BMERB1: variants seen among roughly 807,000 people sequenced by gnomAD.
The protein encoded by BMERB1 is bMERB domain containing 1.
In BMERB1, 12 loss-of-function variants were observed where a neutral mutation model predicts 23.6. The ratio of observed to expected loss-of-function variants is 0.51; its 90% CI spans 0.33 to 0.82. The LOEUF (loss-of-function observed/expected upper bound fraction) is 0.82, where lower values mean the gene tolerates loss of function less well. BMERB1 is among the 40% of genes least tolerant of loss of function. The pLI, the probability that BMERB1 is intolerant of heterozygous loss-of-function variation, is 0.03. For synonymous variants in BMERB1, 122 were observed against 96.6 expected (o/e 1.26, Z -1.54); for missense variants, 247 against 255.4 (o/e 0.97, Z 0.22).
intron 2 of BMERB1, among the ~76,000 whole-genome samples, chr16:15,541,423 G>GTTT (rs869249451): frequency 6.3e-4 from 58 of 92,092 alleles, no homozygotes; most frequent in Non-Finnish European, 8.5e-4. Context: ...CCGCCGAATT[G>GTTT]TTTTTTTTTT....
At chr16:15,477,135 G>C (rs1235964821) in intron 1 of BMERB1, among the ~76,000 whole-genome samples, 1 of 152,120 alleles carries the variant, frequency 6.6e-6, no homozygotes, top group Non-Finnish European at 1.5e-5. Flanking sequence ...TAATTATAAA[G>C]AAAAGAGGTT....
In BMERB1 at chr16:15,456,872, T is replaced by C. The variant is rs192212126; in HGVS notation, c.106+22113T>C. Among the ~76,000 whole-genome samples the C allele has an allele frequency of 1.5e-4, 23 of 152,136 alleles. No homozygotes were observed. In the East Asian group the frequency reaches 4.4e-3, roughly 29 times the overall value. ...GCGGAATCTCACTCTTTCGCCCAGG[T>C]TGGAGTGCAATGGCGCAATCTCGGC... is the stretch of plus-strand genomic sequence containing the variant. On this transcript the variant is annotated intron_variant, in intron 1 of 5. Transcript: ENST00000300006.
chr16:15,537,832 AT>A (rs1043459032), intron 2 of BMERB1, among the ~76,000 whole-genome samples: 10 of 149,744 alleles, frequency 6.7e-5, no homozygotes, highest in African/African-American at 2.0e-4. Flanking sequence ...CAATTTTTTA[AT>A]TTTTTTGTAG....
intron 4 of BMERB1, among the ~76,000 whole-genome samples, chr16:15,581,809 C>T (rs2031021483): frequency 1.3e-5 from 2 of 152,196 alleles, no homozygotes; most frequent in South Asian, 4.1e-4. Flanking sequence ...GCTGCCTTGA[C>T]CTCGACAACC....
chr16:15,441,829 T>C (rs552556585), intron 1 of BMERB1, among the ~76,000 whole-genome samples: 4 of 152,182 alleles, frequency 2.6e-5, no homozygotes, highest in Admixed American at 6.6e-5. Context: ...GCCTGGTTTT[T>C]GTTTTTAAAG....
intron 3 of BMERB1, among the ~76,000 whole-genome samples, chr16:15,568,672 T>A (rs1262561036): frequency 6.6e-6 from 1 of 152,104 alleles, no homozygotes; most frequent in African/African-American, 2.4e-5. Flanking sequence ...TTAAATATCA[T>A]AAAAATCGAT....
chr16:15,452,966 C>T (rs1321999440), intron 1 of BMERB1, among the ~76,000 whole-genome samples: 2 of 152,096 alleles, frequency 1.3e-5, no homozygotes, highest in Non-Finnish European at 2.9e-5. Flanking sequence ...CAGATGACCA[C>T]TAAGGAATGA....
chr16:15,434,868 C>G (rs2050873836), intron 1 of BMERB1, 109 bp downstream of exon 1: 2 of 921,884 alleles, frequency 2.2e-6, no homozygotes, highest in Non-Finnish European at 3.2e-6. Flanking sequence ...CAGGGAAGCG[C>G]CCCCGCAGCG....
chr16:15,498,298 G>C (rs553768646), intron 1 of BMERB1, among the ~76,000 whole-genome samples: 1 of 152,202 alleles, frequency 6.6e-6, no homozygotes, highest in African/African-American at 2.4e-5. Context: ...TCAGCTTGGG[G>C]GTCTGAGATG....
At chr16:15,554,173 T>C (rs1298855957) in intron 2 of BMERB1, among the ~76,000 whole-genome samples, 1 of 152,184 alleles carries the variant, frequency 6.6e-6, no homozygotes, top group African/African-American at 2.4e-5. Flanking sequence ...CAGACTATCC[T>C]GATCTCTGTC....
chr16:15,508,828 CAAAAAAAAA>C (rs1181215065), intron 1 of BMERB1, among the ~76,000 whole-genome samples: 1 of 56,072 alleles, frequency 1.8e-5, no homozygotes, highest in East Asian at 4.8e-4. Flanking sequence ...CCTGCCCCAC[CAAAAAAAAA>C]AAAAAAAAAA....
At position 15,570,037 on chromosome 16, in the gene BMERB1, A is replaced by G. The variant is rs142613849; in HGVS notation, c.304+1981A>G. Among the ~76,000 whole-genome samples, 961 of 152,294 alleles carry G rather than the reference A, an allele frequency of 6.3e-3. 10 individuals are homozygous for G. Among genetic ancestry groups the G allele is most frequent in the African/African-American group, 0.022 (908 of 41,548 alleles). ...GGGCAGCTTGGAGGTTAAAGGCAAG[A>G]TGGGGGTTGGTTAGATCAGATCCCT... On this transcript the variant is annotated intron_variant, in intron 3 of 5. Transcript: ENST00000300006.
chr16:15,572,091 C>T (rs1050091474), intron 3 of BMERB1, among the ~76,000 whole-genome samples: 2 of 152,180 alleles, frequency 1.3e-5, no homozygotes, highest in African/African-American at 4.8e-5. Context: ...CTTACAGCTC[C>T]CACATAAGAA....
In BMERB1 at chr16:15,569,229, A is replaced by C. The variant is rs543295991; in HGVS notation, c.304+1173A>C. On this transcript the variant is annotated intron_variant, in intron 3 of 5. Transcript: ENST00000300006. The stretch of plus-strand genomic sequence containing the variant: ...AGACTCCGACTCAAAAAAAAGAAAG[A>C]GAGAACTGAGTAATTTATAAAGAAA... Among the ~76,000 whole-genome samples, 35 of 152,186 alleles carry C rather than the reference A, an allele frequency of 2.3e-4. No homozygotes were observed. The East Asian group carries it at 6.2e-3, about 27-fold the overall frequency.
rs943696042 is a variant in BMERB1, at chr16:15,506,746, C to T, written c.107-8559C>T. 8.6e-5 allele frequency among the ~76,000 whole-genome samples: 13 copies of T among 151,992 alleles called. No individual in the cohort carries two copies. In the East Asian group the frequency reaches 9.7e-4, roughly 11 times the overall value. ...TGTATCACAATGTAACACATGGTTG[C>T]GTTTCTTCCTTGCTACCTCTAATTT... On this transcript the variant is annotated intron_variant, in intron 1 of 5. Transcript: ENST00000300006.
chr16:15,525,064 G>A (rs756721550), intron 2 of BMERB1, among the ~76,000 whole-genome samples: 31 of 152,214 alleles, frequency 2.0e-4, no homozygotes, highest in Non-Finnish European at 3.2e-4. Context: ...GTATGTGTCT[G>A]CAAGAGCATT....
At chr16:15,495,140 T>C (rs1053346874) in intron 1 of BMERB1, among the ~76,000 whole-genome samples, 2 of 152,070 alleles carry the variant, frequency 1.3e-5, no homozygotes, top group Non-Finnish European at 2.9e-5. Flanking sequence ...TACCTCGGCC[T>C]TCCAAAGTGC....
chr16:15,450,507 A>C (rs774456662), intron 1 of BMERB1, among the ~76,000 whole-genome samples: 1 of 151,902 alleles, frequency 6.6e-6, no homozygotes, highest in African/African-American at 2.4e-5. Context: ...GTCTTGCTCT[A>C]TTGTTCAGGC....
chr16:15,451,053 A>C (rs1395908861), intron 1 of BMERB1, among the ~76,000 whole-genome samples: 1 of 152,168 alleles, frequency 6.6e-6, no homozygotes, highest in Non-Finnish European at 1.5e-5. Context: ...CATGCATGAA[A>C]CTTTAAATTA....
Sources: gnomAD v4.1 joint callset for allele counts (sites outside exome capture counted in the v4.1 genomes callset) on GRCh38, gnomAD v4.1.1 for gene constraint, MANE v1.5 for transcripts, NCBI Gene and HGNC (gene_info 2026-07-23, HGNC 2026-07-21) for gene names.